The following ETV5 variants were observed in gnomAD, a reference collection of about 807,000 sequenced individuals.
ETV5 encodes the protein ETS translocation variant 5.
A neutral mutation model predicts 70.0 loss-of-function variants in ETV5; 10 were observed. That is an observed-to-expected ratio of 0.14 (90% CI 0.09 to 0.24). The LOEUF is 0.24. Among genes scored for constraint, ETV5 ranks in the 10% least tolerant of loss-of-function variants. The pLI is 1.00. For missense variants in ETV5, 453 were observed against 651.2 expected, an observed-to-expected ratio of 0.70 and a Z score of 3.31; for synonymous variants, 216 against 242.2, an observed-to-expected ratio of 0.89 and a Z score of 1.01.
chr3:186,092,697 G>C (rs1011917532), intron 5 of ETV5, among the ~76,000 whole-genome samples: 4 of 151,978 alleles, frequency 2.6e-5, no homozygotes, highest in African/African-American at 9.7e-5. Flanking sequence ...GCCCCCCAAA[G>C]TGTTGGGATT....
chr3:186,108,793 G>A (rs1714661751), intron 1 of ETV5, 147 bp downstream of exon 1: 2 of 394,678 alleles, frequency 5.1e-6, no homozygotes, highest in Non-Finnish European at 8.2e-6. Flanking sequence ...GGGAGGGGGC[G>A]GTCAACCCGG....
Position 186,105,590 on chromosome 3 carries a change from G to A in ETV5, c.133+35C>T, listed in dbSNP as rs757298935. On this transcript the variant is annotated intron_variant, in intron 3 of 12. Transcript: ENST00000306376. This position sits in a 1 kb window ranked among gnomAD's most constrained non-coding sequence, Gnocchi z 4.5. ...TACACGCTACTGTCACTGGGAGCAGGGAAGCCACAACATAATCAGGGAAAG... is the reference window on the plus strand; with the variant it reads ...TACACGCTACTGTCACTGGGAGCAGAGAAGCCACAACATAATCAGGGAAAG... 6.2e-7 allele frequency: 1 copy of A among 1,613,320 alleles called. No homozygotes were observed.
At chr3:186,081,015 A>G in intron 6 of ETV5, 31 bp downstream of exon 6, 2 of 1,584,828 alleles carry the variant, frequency 1.3e-6, no homozygotes, top group South Asian at 2.3e-5. Flanking sequence ...CTTTCTGGGC[A>G]GCCTTTCTTC....
intron 1 of ETV5, among the ~76,000 whole-genome samples, chr3:186,106,618 A>G (rs1714594559): frequency 6.6e-6 from 1 of 152,342 alleles, no homozygotes; most frequent in Non-Finnish European, 1.5e-5. Flanking sequence ...TAAAATGTCT[A>G]TGAAAAGTAA....
intron 7 of ETV5, among the ~76,000 whole-genome samples, chr3:186,070,435 C>A (rs938112140): frequency 1.3e-5 from 2 of 152,202 alleles, no homozygotes; most frequent in African/African-American, 2.4e-5. Context: ...GGGCACTAGC[C>A]AGCAACCTCA....
Position 186,052,221 on chromosome 3 carries a change from T to G in ETV5, c.1210-90A>C. The G allele has an allele frequency of 8.1e-7, 1 of 1,232,106 alleles. No homozygotes were observed. The highest frequency in any genetic ancestry group is 1.2e-6 in the Non-Finnish European group (1 of 844,790). 76.3% of individuals were successfully genotyped at this position (1,232,106 alleles called of 1,614,324 possible). A position where few individuals can be genotyped will look rare whatever the true frequency, so the allele number is the denominator to read the frequency against. On this transcript the variant is annotated intron_variant, in intron 11 of 12. Transcript: ENST00000306376. This position sits in a 1 kb window ranked among gnomAD's most constrained non-coding sequence, Gnocchi z 4.5. Reference sequence around the variant, plus strand: ...TCCCAGCAGAGCCAGTTCTGTAACCTGACTGCTTTGGTCAATGATCTGCTA... The same window carrying G: ...TCCCAGCAGAGCCAGTTCTGTAACCGGACTGCTTTGGTCAATGATCTGCTA...
At chr3:186,051,435 G>A (rs1049314162) in intron 12 of ETV5, among the ~76,000 whole-genome samples, 3 of 152,134 alleles carry the variant, frequency 2.0e-5, no homozygotes, top group South Asian at 2.1e-4. Flanking sequence ...CCTATCCCAC[G>A]AAGAATTTTG....
intron 5 of ETV5, among the ~76,000 whole-genome samples, chr3:186,091,206 T>G (rs974182486): frequency 7.2e-5 from 11 of 152,182 alleles, no homozygotes; most frequent in African/African-American, 2.7e-4. Context: ...TGCTTGTGCT[T>G]TGGGATAGGG....
At chr3:186,061,905 C>T (rs960481375) in intron 9 of ETV5, among the ~76,000 whole-genome samples, 14 of 152,150 alleles carry the variant, frequency 9.2e-5, no homozygotes, top group South Asian at 4.2e-4. Context: ...TTAGATAAAT[C>T]GTAAAATTTA....
chr3:186,080,992 C>A, intron 6 of ETV5, 54 bp downstream of exon 6: 1 of 1,547,508 alleles, frequency 6.5e-7, no homozygotes, highest in Non-Finnish European at 8.7e-7. Context: ...AGCTTGATGG[C>A]TACTTCCAGA....
intron 1 of ETV5, chr3:186,108,468 A>G: frequency 8.0e-7 from 1 of 1,248,002 alleles, no homozygotes; most frequent in Non-Finnish European, 1.0e-6. Flanking sequence ...TGTGTCATTT[A>G]CCCCCTCCCG....
At chr3:186,061,672 C>T (rs1303084823) in intron 9 of ETV5, among the ~76,000 whole-genome samples, 1 of 152,200 alleles carries the variant, frequency 6.6e-6, no homozygotes, top group Non-Finnish European at 1.5e-5. Flanking sequence ...TCCACCATAC[C>T]AAGTTAGCCT....
intron 9 of ETV5, among the ~76,000 whole-genome samples, chr3:186,060,746 G>C (rs1355928275): frequency 6.6e-6 from 1 of 152,204 alleles, no homozygotes; most frequent in East Asian, 1.9e-4. Flanking sequence ...ATGGGAAAGG[G>C]TGGAGGGAAA....
intron 7 of ETV5, among the ~76,000 whole-genome samples, chr3:186,072,221 A>G (rs1219304442): frequency 6.6e-6 from 1 of 151,994 alleles, no homozygotes; most frequent in Non-Finnish European, 1.5e-5. Flanking sequence ...CTCTATTAAA[A>G]ACACAAAAAA....
chr3:186,064,526 A>T (rs762488125), intron 8 of ETV5, 50 bp from the exon 9 acceptor site: 1 of 1,572,348 alleles, frequency 6.4e-7, no homozygotes, highest in Non-Finnish European at 8.8e-7. Flanking sequence ...TTTCTGCAGC[A>T]GAAACAGCAC....
Position 186,088,288 on chromosome 3 carries a change from G to A in ETV5, c.233-7113C>T, listed in dbSNP as rs186336679. ...GCACTGACACGTGCTTCTGAATGGC[G>A]TGTCCATGAGGCTGCAGCTCAGGGG... On this transcript the variant is annotated intron_variant, in intron 5 of 12. Coordinates refer to ENST00000306376, the MANE Select transcript of ETV5 (RefSeq NM_004454.3). Among the ~76,000 whole-genome samples the A allele has an allele frequency of 7.2e-5, 11 of 152,356 alleles. No individual in the cohort carries two copies. The East Asian group carries it at 1.9e-3, about 27-fold the overall frequency.
intron 5 of ETV5, among the ~76,000 whole-genome samples, chr3:186,103,998 C>CA (rs992873863): frequency 6.6e-6 from 1 of 152,226 alleles, no homozygotes; most frequent in Non-Finnish European, 1.5e-5. Context: ...CACATACACC[C>CA]ACCTACCCAG....
chr3:186,096,796 A>G (rs1714313121), intron 5 of ETV5, among the ~76,000 whole-genome samples: 2 of 152,176 alleles, frequency 1.3e-5, no homozygotes, highest in Non-Finnish European at 2.9e-5. Context: ...TTTTATGCTC[A>G]TCATACATCC....
chr3:186,093,687 G>T (rs1400453353), intron 5 of ETV5, among the ~76,000 whole-genome samples: 6 of 152,178 alleles, frequency 3.9e-5, no homozygotes, highest in Non-Finnish European at 7.3e-5. Context: ...GCCCAAGTGT[G>T]GGGGGCACTC....
Sources: gnomAD v4.1 joint callset for allele counts (sites outside exome capture counted in the v4.1 genomes callset) on GRCh38, gnomAD v4.1.1 for gene constraint, Gnocchi (gnomAD v3.1) non-coding constraint, MANE v1.5 for transcripts, NCBI Gene and HGNC (gene_info 2026-07-23, HGNC 2026-07-21) for gene names.